The following ITPR1 variants were observed in gnomAD, a reference collection of about 807,000 sequenced individuals.
The protein encoded by ITPR1 is inositol 1,4,5-trisphosphate receptor type 1.
In ITPR1, 96 loss-of-function variants were observed where a neutral mutation model predicts 318.4. The observed-to-expected ratio is 0.30, with a 90% CI of 0.26 to 0.36. The LOEUF is 0.36. ITPR1 is among the 10% of genes least tolerant of loss of function. The probability of loss-of-function intolerance (pLI) is 1.00; values close to 1 mark genes in which losing one functional copy is unlikely to be tolerated. For missense variants in ITPR1, 2,440 were observed against 3,460.2 expected (o/e 0.71, Z 7.40); for synonymous variants, 1,312 against 1,289.9 (o/e 1.02, Z -0.37).
intron 4 of ITPR1, among the ~76,000 whole-genome samples, chr3:4,586,649 G>A (rs1345397138): frequency 6.6e-6 from 1 of 151,278 alleles, no homozygotes; most frequent in South Asian, 2.1e-4. Flanking sequence ...AGCTGGGACT[G>A]CAGGCACTGT....
chr3:4,825,890 G>C (rs1398282828), intron 60 of ITPR1: 3 of 419,156 alleles, frequency 7.2e-6, no homozygotes, highest in African/African-American at 6.2e-5. Context: ...ATAAGAGTAA[G>C]GACCTAGGTT....
chr3:4,634,229 T>A (rs754883226), intron 5 of ITPR1, among the ~76,000 whole-genome samples: 1 of 152,260 alleles, frequency 6.6e-6, no homozygotes, highest in Non-Finnish European at 1.5e-5. Context: ...TCTTTTTTTT[T>A]TGAGACAGTC....
chr3:4,727,007 C>A, intron 41 of ITPR1, 119 bp from the exon 42 acceptor site: 1 of 805,534 alleles, frequency 1.2e-6, no homozygotes, highest in Non-Finnish European at 2.0e-6. Flanking sequence ...GACCTATTCT[C>A]CTTTTGTGTA....
At chr3:4,623,993 A>G (rs1044099715) in intron 4 of ITPR1, among the ~76,000 whole-genome samples, 3 of 152,192 alleles carry the variant, frequency 2.0e-5, no homozygotes, top group Non-Finnish European at 2.9e-5. Context: ...AGTTATCGGA[A>G]GTTTTGAGCT....
chr3:4,664,768 CATT>C (rs1024038916), intron 16 of ITPR1, among the ~76,000 whole-genome samples: 57 of 152,216 alleles, frequency 3.7e-4, no homozygotes, highest in Non-Finnish European at 5.1e-4. Flanking sequence ...GTGATATAGG[CATT>C]ATTCTTTCCA....
chr3:4,683,825 A>G, intron 28 of ITPR1, 27 bp downstream of exon 28: 2 of 1,602,628 alleles, frequency 1.2e-6, no homozygotes, highest in Non-Finnish European at 1.7e-6. Context: ...TTATGCTGCC[A>G]AAGTGGATGG....
intron 4 of ITPR1, among the ~76,000 whole-genome samples, chr3:4,536,092 T>C (rs960557132): frequency 6.6e-5 from 10 of 152,214 alleles, no homozygotes; most frequent in Non-Finnish European, 1.5e-4. Flanking sequence ...AAGAGGTTTC[T>C]GGTCCTTCAT....
At chr3:4,780,012 G>C (rs1015735587) in intron 49 of ITPR1, among the ~76,000 whole-genome samples, 2 of 151,954 alleles carry the variant, frequency 1.3e-5, no homozygotes, top group Non-Finnish European at 2.9e-5. Context: ...CCTCATGGGG[G>C]ACAGTGTGGT....
At chr3:4,647,045 C>T (rs1335984460) in intron 10 of ITPR1, among the ~76,000 whole-genome samples, 1 of 152,106 alleles carries the variant, frequency 6.6e-6, no homozygotes, top group African/African-American at 2.4e-5. Flanking sequence ...TAGCAGCACC[C>T]AGAAGGTCCC....
Position 4,688,411 on chromosome 3 carries a change from C to G in ITPR1, c.3703-84C>G, listed in dbSNP as rs143434144. 3.2e-4 allele frequency: 493 copies of G among 1,529,948 alleles called. No homozygotes were observed. The African/African-American group carries it at 5.9e-3, about 18-fold the overall frequency. 94.8% of individuals were successfully genotyped at this position (1,529,948 alleles called of 1,614,324 possible). On this transcript the variant is annotated intron_variant, in intron 30 of 61. Transcript: ENST00000649015. ...TCCCCAGCAAACACCTTCTGACTCC[C>G]ACGTTAGCAGGAGGTGTTGGGTATA...
At chr3:4,570,528 C>T (rs1482748165) in intron 4 of ITPR1, among the ~76,000 whole-genome samples, 1 of 152,194 alleles carries the variant, frequency 6.6e-6, no homozygotes, top group Non-Finnish European at 1.5e-5. Flanking sequence ...TAGTTTTTAA[C>T]CACCTGTACA....
chr3:4,653,783 G>A (rs2125174385), intron 11 of ITPR1, 59 bp from the exon 12 acceptor site: 1 of 1,279,718 alleles, frequency 7.8e-7, no homozygotes, highest in Non-Finnish European at 1.1e-6. Flanking sequence ...CTGCAAGTGG[G>A]GCCCAGTCCT....
intron 4 of ITPR1, among the ~76,000 whole-genome samples, chr3:4,544,902 C>G (rs1239298603): frequency 2.0e-5 from 3 of 152,288 alleles, no homozygotes; most frequent in African/African-American, 7.2e-5. Flanking sequence ...TTAAGCAATC[C>G]TTCCACTTCA....
chr3:4,692,987 G>T (rs1028371786), intron 32 of ITPR1, among the ~76,000 whole-genome samples: 4 of 152,140 alleles, frequency 2.6e-5, no homozygotes, highest in Non-Finnish European at 4.4e-5. Flanking sequence ...AGGCATGGTG[G>T]TGCATCCCTG....
chr3:4,727,080 G>A, intron 41 of ITPR1, 46 bp from the exon 42 acceptor site: 1 of 1,464,474 alleles, frequency 6.8e-7, no homozygotes, highest in East Asian at 2.3e-5. Context: ...AGATGGTAGT[G>A]TCTCCTTAGT....
intron 4 of ITPR1, among the ~76,000 whole-genome samples, chr3:4,538,610 A>C (rs2084100262): frequency 6.6e-6 from 1 of 152,240 alleles, no homozygotes; most frequent in African/African-American, 2.4e-5. Context: ...TGTTCATTGC[A>C]GCACTATTCA....
chr3:4,545,913 T>G (rs2124986565), intron 4 of ITPR1, among the ~76,000 whole-genome samples: 1 of 151,982 alleles, frequency 6.6e-6, no homozygotes, highest in South Asian at 2.1e-4. Flanking sequence ...CCAAGGGTGG[T>G]TTTGAACTCC....
At chr3:4,535,699 C>G (rs1245139317) in intron 4 of ITPR1, among the ~76,000 whole-genome samples, 2 of 152,020 alleles carry the variant, frequency 1.3e-5, no homozygotes, top group African/African-American at 4.8e-5. Context: ...CCCGCCTCGG[C>G]CTCCCAAAGT....
At chr3:4,629,893 A>G (rs1174318909) in intron 5 of ITPR1, among the ~76,000 whole-genome samples, 3 of 152,142 alleles carry the variant, frequency 2.0e-5, no homozygotes, top group African/African-American at 7.2e-5. Context: ...AGAAGAAACA[A>G]TGGACTCAAA....
Sources: allele counts gnomAD v4.1 joint callset (sites outside exome capture counted in the v4.1 genomes callset), GRCh38; gene constraint gnomAD v4.1.1; transcripts MANE v1.5; gene names NCBI Gene and HGNC (gene_info 2026-07-23, HGNC 2026-07-21).